Variants in TVP23A observed in about 807,000 individuals in gnomAD.
TVP23A encodes the protein trans-golgi network vesicle protein 23 homolog A.
Under a neutral mutation model 31.7 loss-of-function variants are expected in TVP23A, and 21 were observed. The observed-to-expected ratio is 0.66, with a 90% CI of 0.47 to 0.95. The LOEUF is 0.95. Ranked by LOEUF, TVP23A falls within the 40% of genes least tolerant of loss-of-function variation. TVP23A has a pLI of 0.00. For missense variants in TVP23A, 279 were observed against 255.6 expected (o/e 1.09, Z -0.62); for synonymous variants, 104 against 96.0 (o/e 1.08, Z -0.49).
chr16:10,789,620 G>A (rs1011680935), intron 2 of TVP23A, among the ~76,000 whole-genome samples: 2 of 147,300 alleles, frequency 1.4e-5, no homozygotes, highest in Admixed American at 1.4e-4. Context: ...CCTGAGGTCA[G>A]GAGTTCAAGA....
At chr16:10,770,236 A>G (rs1448487811) in intron 7 of TVP23A, 36 bp downstream of exon 7, 1 of 1,549,042 alleles carries the variant, frequency 6.5e-7, no homozygotes, top group Non-Finnish European at 8.7e-7. Context: ...AGAATTCCCC[A>G]GTTCCTCCAC....
downstream of TVP23A, among the ~76,000 whole-genome samples, chr16:10,759,549 A>C (rs1365686370): frequency 6.6e-6 from 1 of 152,156 alleles, no homozygotes; most frequent in Non-Finnish European, 1.5e-5. The surrounding 1 kb of genome is among the most constrained non-coding windows in gnomAD (Gnocchi z 4.7). Flanking sequence ...CGAGGCAGGC[A>C]GATTACTTGA....
At chr16:10,765,759 A>G (rs2030784328), downstream of TVP23A, among the ~76,000 whole-genome samples, 1 of 152,214 alleles carries the variant, frequency 6.6e-6, no homozygotes, top group Non-Finnish European at 1.5e-5. The surrounding 1 kb of genome is among the most constrained non-coding windows in gnomAD (Gnocchi z 4.0). Flanking sequence ...CAGGTGGTTC[A>G]CAAGAGCTAA....
At chr16:10,814,343 C>T (rs552137726) in intron 2 of TVP23A, among the ~76,000 whole-genome samples, 1 of 152,300 alleles carries the variant, frequency 6.6e-6, no homozygotes, top group Non-Finnish European at 1.5e-5. Flanking sequence ...CCACTGGCTA[C>T]TAGAATGTTC....
rs1053121532 is a variant in TVP23A at position 10,781,911 on chromosome 16, G to A, written c.90-6815C>T. Among the ~76,000 whole-genome samples, 4 of 138,242 alleles carry A rather than the reference G, an allele frequency of 2.9e-5. No individual in the cohort carries two copies. The East Asian group carries it at 9.7e-4, about 33-fold the overall frequency. 90.7% of individuals were successfully genotyped at this position (138,242 alleles called of 152,430 possible). The stretch of plus-strand genomic sequence containing the variant: ...GAGTCTCACTCTGTTGCCCAGGCTG[G>A]AGTGCAGTGATATGATCTCGGCTCA... On this transcript the variant is annotated intron_variant, in intron 2 of 7. Coordinates refer to ENST00000299866, the MANE Select transcript of TVP23A (RefSeq NM_001079512.4).
At chr16:10,797,955 C>CTTT (rs1162130562) in intron 2 of TVP23A, among the ~76,000 whole-genome samples, 8 of 122,924 alleles carry the variant, frequency 6.5e-5, no homozygotes, top group African/African-American at 1.6e-4. Flanking sequence ...TTTTCTTTTT[C>CTTT]TTTTTTTTTT....
In TVP23A at chr16:10,818,501, C is replaced by T; in HGVS notation, c.-8G>A. 6.2e-7 allele frequency: 1 copy of T among 1,603,906 alleles called. No individual in the cohort carries two copies. Among genetic ancestry groups the T allele is most frequent in the African/African-American group, 1.3e-5 (1 of 74,894 alleles). ...AGGCCCTACCTGCTTCATCACCCTC[C>T]CAGGAGCCCACCTGGCGCCCAGGCC... On this transcript the variant is annotated 5_prime_UTR_variant, in exon 1 of 8. Transcript: ENST00000299866. This position sits in a 1 kb window ranked among gnomAD's most constrained non-coding sequence, Gnocchi z 4.7.
chr16:10,776,881 G>A (rs1444634502), intron 2 of TVP23A, among the ~76,000 whole-genome samples: 1 of 152,146 alleles, frequency 6.6e-6, no homozygotes, highest in Admixed American at 6.5e-5. Flanking sequence ...TGGTGCTGGT[G>A]GGAGTGTAGC....
intron 2 of TVP23A, among the ~76,000 whole-genome samples, chr16:10,797,414 T>C (rs1033964027): frequency 1.3e-5 from 2 of 151,516 alleles, no homozygotes; most frequent in South Asian, 4.2e-4. Flanking sequence ...TAGCCAGGCA[T>C]GGTGGCACAT....
chr16:10,793,769 T>C (rs933838483), intron 2 of TVP23A, among the ~76,000 whole-genome samples: 2 of 151,344 alleles, frequency 1.3e-5, no homozygotes, highest in African/African-American at 4.9e-5. Flanking sequence ...CATGGTGGCA[T>C]ACACCTATGG....
intron 2 of TVP23A, among the ~76,000 whole-genome samples, chr16:10,790,478 G>T (rs371307433): frequency 4.6e-5 from 7 of 151,980 alleles, no homozygotes; most frequent in African/African-American, 1.7e-4. Context: ...GTAGAGACAG[G>T]GTTTCACCGT....
chr16:10,781,284 AC>A (rs2032405927), intron 2 of TVP23A, among the ~76,000 whole-genome samples: 1 of 151,590 alleles, frequency 6.6e-6, no homozygotes, highest in African/African-American at 2.4e-5. Context: ...AGCCAAGATC[AC>A]ATCACTGCAC....
chr16:10,764,848 T>TCG (rs58740091), downstream of TVP23A, among the ~76,000 whole-genome samples: 1 of 29,218 alleles, frequency 3.4e-5, no homozygotes, highest in African/African-American at 1.3e-4. Context: ...TTGGAGCATC[T>TCG]GTCTGCTGGA....
chr16:10,816,366 C>A (rs920541951), intron 2 of TVP23A, among the ~76,000 whole-genome samples: 1 of 150,828 alleles, frequency 6.6e-6, no homozygotes, highest in Non-Finnish European at 1.5e-5. Context: ...CAGGGTCTCA[C>A]TCTGTCGCCC....
In TVP23A at chr16:10,768,289, C is replaced by A; in HGVS notation, c.*813G>T. 112 of 219,990 alleles carry A rather than the reference C, an allele frequency of 5.1e-4. No homozygotes were observed. Among genetic ancestry groups the A allele is most frequent in the East Asian group, 7.4e-4 (8 of 10,788 alleles). The allele number at this position is 219,990 out of a possible 1,614,324, so 13.6% of individuals were successfully genotyped here. A position where few individuals can be genotyped will look rare whatever the true frequency, so the allele number is the denominator to read the frequency against. Reference sequence around the variant, plus strand: ...ATCCCAATAAAGGGATAAAGTAATTCATTTTTAAAAGTAACTGATAAAAAA... The same window carrying A: ...ATCCCAATAAAGGGATAAAGTAATTAATTTTTAAAAGTAACTGATAAAAAA... On this transcript the variant is annotated 3_prime_UTR_variant, in exon 8 of 8. Transcript: ENST00000299866. This position sits in a 1 kb window ranked among gnomAD's most constrained non-coding sequence, Gnocchi z 4.3.
At chr16:10,773,226 A>G (rs2031755790) in intron 5 of TVP23A, 87 bp downstream of exon 5, 4 of 1,461,722 alleles carry the variant, frequency 2.7e-6, no homozygotes, top group South Asian at 2.8e-5. Flanking sequence ...CAATCAATCA[A>G]TAACAAATAA....
Position 10,768,266 on chromosome 16 carries a change from C to T in TVP23A, c.*836G>A, listed in dbSNP as rs1168902262. The T allele has an allele frequency of 5.3e-6, 2 of 380,544 alleles. No homozygotes were observed. Among genetic ancestry groups the T allele is most frequent in the African/African-American group, 2.1e-5 (1 of 47,766 alleles). 23.6% of individuals were successfully genotyped at this position (380,544 alleles called of 1,614,324 possible). A position where few individuals can be genotyped will look rare whatever the true frequency, so the allele number is the denominator to read the frequency against. On this transcript the variant is annotated 3_prime_UTR_variant, in exon 8 of 8. Coordinates refer to ENST00000299866, the MANE Select transcript of TVP23A (RefSeq NM_001079512.4). The surrounding 1 kb of genome is among the most constrained non-coding windows in gnomAD (Gnocchi z 4.3). ...GAAATTTATGGCTTAGGAAATACATCCCAATAAAGGGATAAAGTAATTCAT... is the reference window on the plus strand; with the variant it reads ...GAAATTTATGGCTTAGGAAATACATTCCAATAAAGGGATAAAGTAATTCAT...
At chr16:10,816,573 A>T (rs2034448110) in intron 2 of TVP23A, among the ~76,000 whole-genome samples, 1 of 152,096 alleles carries the variant, frequency 6.6e-6, no homozygotes, top group Non-Finnish European at 1.5e-5. Context: ...ACCTCAAGTG[A>T]TCTGCCCGCC....
chr16:10,764,611 G>C (rs1407361148), downstream of TVP23A, among the ~76,000 whole-genome samples: 1 of 151,432 alleles, frequency 6.6e-6, no homozygotes, highest in Non-Finnish European at 1.5e-5. Context: ...CAGTCTGCTG[G>C]AGTATGTCAG....
Sources: allele counts gnomAD v4.1 joint callset (sites outside exome capture counted in the v4.1 genomes callset), GRCh38; gene constraint gnomAD v4.1.1; non-coding constraint Gnocchi (gnomAD v3.1); transcripts MANE v1.5; gene names NCBI Gene and HGNC (gene_info 2026-07-23, HGNC 2026-07-21).